The following ESR1 variants were observed in gnomAD, a reference collection of about 807,000 sequenced individuals.
The protein encoded by ESR1 is estrogen receptor.
A neutral mutation model predicts 52.7 loss-of-function variants in ESR1; 12 were observed. The ratio of observed to expected loss-of-function variants is 0.23; its 90% CI spans 0.15 to 0.37. The LOEUF (loss-of-function observed/expected upper bound fraction) is 0.37, where lower values mean the gene tolerates loss of function less well. Among genes scored for constraint, ESR1 ranks in the 10% least tolerant of loss-of-function variants. The probability of loss-of-function intolerance (pLI) is 1.00; values close to 1 mark genes in which losing one functional copy is unlikely to be tolerated. For synonymous variants in ESR1, 305 were observed against 316.8 expected (o/e 0.96, Z 0.39); for missense variants, 584 against 779.7 (o/e 0.75, Z 2.99).
intron 1 of ESR1, among the ~76,000 whole-genome samples, chr6:151,841,370 T>C (rs1307980501): frequency 6.6e-6 from 1 of 152,240 alleles, no homozygotes; most frequent in African/African-American, 2.4e-5. Context: ...GGCTTGTGCC[T>C]GTACCTGTCT....
rs9341020 is a variant in ESR1, at chr6:152,061,616, T to A, written c.1369+492T>A. 1.9e-3 allele frequency among the ~76,000 whole-genome samples: 284 copies of A among 152,322 alleles called. 2 individuals carry two copies. The highest frequency in any genetic ancestry group is 5.9e-3 in the African/African-American group (246 of 41,586). On this transcript the variant is annotated intron_variant, in intron 6 of 7. Coordinates refer to ENST00000206249, the MANE Select transcript of ESR1 (RefSeq NM_000125.4). This position sits in a 1 kb window ranked among gnomAD's most constrained non-coding sequence, Gnocchi z 4.3. Reference sequence around the variant, plus strand: ...AAAACCTGTTTCTAAAACAGAAGAATGTGGAATGCAATAAATTGTCCAGCT... The same window carrying A: ...AAAACCTGTTTCTAAAACAGAAGAAAGTGGAATGCAATAAATTGTCCAGCT...
intron 2 of ESR1, among the ~76,000 whole-genome samples, chr6:151,756,456 C>T (rs145947271): frequency 9.2e-5 from 14 of 152,194 alleles, no homozygotes; most frequent in East Asian, 3.9e-4. Flanking sequence ...TCACGTTGGT[C>T]GGGCTGGTCT....
At chr6:151,882,817 C>T (rs906553999) in intron 3 of ESR1, among the ~76,000 whole-genome samples, 29 of 151,598 alleles carry the variant, frequency 1.9e-4, no homozygotes, top group Admixed American at 8.5e-4. Context: ...ATATAAATTA[C>T]GCATTCTCAT....
At chr6:151,984,661 T>C (rs1221442156) in intron 4 of ESR1, among the ~76,000 whole-genome samples, 2 of 152,142 alleles carry the variant, frequency 1.3e-5, no homozygotes, top group African/African-American at 2.4e-5. Context: ...ACACTGTTTT[T>C]TCATCTGTGT....
At chr6:151,692,001 GA>G in intron 1 of ESR1, among the ~76,000 whole-genome samples, 1 of 152,248 alleles carries the variant, frequency 6.6e-6, no homozygotes, top group South Asian at 2.1e-4. Context: ...TAAAAGATAC[GA>G]CATGTAGGAA....
At chr6:151,657,640 T>C (rs570785407) in intron 1 of ESR1, among the ~76,000 whole-genome samples, 1 of 152,280 alleles carries the variant, frequency 6.6e-6, no homozygotes, top group Non-Finnish European at 1.5e-5. Context: ...TCCCTTAGTT[T>C]AAATATTATG....
intron 5 of ESR1, among the ~76,000 whole-genome samples, chr6:152,012,978 C>G (rs2042902640): frequency 6.6e-6 from 1 of 152,128 alleles, no homozygotes; most frequent in Admixed American, 6.5e-5. Context: ...ATTGTTTTGT[C>G]ATTTTGTGTT....
chr6:151,759,541 C>G (rs766323461), intron 2 of ESR1, among the ~76,000 whole-genome samples: 1 of 151,984 alleles, frequency 6.6e-6, no homozygotes, highest in South Asian at 2.1e-4. Flanking sequence ...AAAAGAATAA[C>G]AGGAAAAATA....
chr6:151,897,010 G>C (rs1019216494), intron 3 of ESR1, among the ~76,000 whole-genome samples: 1 of 152,066 alleles, frequency 6.6e-6, no homozygotes, highest in African/African-American at 2.4e-5. Context: ...TTTTGGAGTC[G>C]ATTTCCAGTT....
At chr6:151,744,994 G>T (rs1251091683) in intron 2 of ESR1, among the ~76,000 whole-genome samples, 1 of 152,096 alleles carries the variant, frequency 6.6e-6, no homozygotes, top group Non-Finnish European at 1.5e-5. Context: ...TCTTGTCCAG[G>T]CTGTTGAAGT....
At chr6:151,929,289 T>C (rs2033237550) in intron 3 of ESR1, among the ~76,000 whole-genome samples, 1 of 152,218 alleles carries the variant, frequency 6.6e-6, no homozygotes, top group African/African-American at 2.4e-5. Context: ...TGTTGTATCA[T>C]CTTGAACAAC....
At chr6:151,817,685 A>G (rs1383110384) in intron 1 of ESR1, among the ~76,000 whole-genome samples, 1 of 152,240 alleles carries the variant, frequency 6.6e-6, no homozygotes, top group African/African-American at 2.4e-5. Flanking sequence ...AGATATGAAG[A>G]TAACATTAGG....
intron 2 of ESR1, among the ~76,000 whole-genome samples, chr6:151,761,035 C>T (rs1322934246): frequency 1.3e-5 from 2 of 152,020 alleles, no homozygotes; most frequent in Non-Finnish European, 2.9e-5. Context: ...AACTATACAT[C>T]GCTCTCTACT....
At chr6:151,850,900 C>T (rs1303433336) in intron 2 of ESR1, among the ~76,000 whole-genome samples, 1 of 152,184 alleles carries the variant, frequency 6.6e-6, no homozygotes. Flanking sequence ...TTTATTGTTT[C>T]CATTTGCCTT....
At chr6:151,814,375 C>T (rs1779296864) in intron 1 of ESR1, among the ~76,000 whole-genome samples, 2 of 152,210 alleles carry the variant, frequency 1.3e-5, no homozygotes, top group South Asian at 4.1e-4. Flanking sequence ...TTTAAACTCC[C>T]TTTAAAGAGT....
chr6:151,836,003 GT>G (rs1216681137), intron 1 of ESR1, among the ~76,000 whole-genome samples: 7 of 152,328 alleles, frequency 4.6e-5, no homozygotes, highest in Admixed American at 3.3e-4. Flanking sequence ...CTTTATGACA[GT>G]TCTTTGGGCA....
At chr6:151,933,552 T>G (rs2033973026) in intron 3 of ESR1, among the ~76,000 whole-genome samples, 3 of 151,732 alleles carry the variant, frequency 2.0e-5, no homozygotes. Context: ...AGGGAATGCT[T>G]CCAGTTTTTG....
chr6:151,831,688 G>A (rs1583533154), intron 1 of ESR1, among the ~76,000 whole-genome samples: 1 of 152,068 alleles, frequency 6.6e-6, no homozygotes, highest in Non-Finnish European at 1.5e-5. Context: ...TGGCTACCTT[G>A]GTTACTATTT....
chr6:151,926,494 C>T lies in ESR1; in HGVS notation c.761-17679C>T, dbSNP rs1562556335. 2.0e-5 allele frequency among the ~76,000 whole-genome samples: 3 copies of T among 152,094 alleles called. No individual in the cohort carries two copies. The East Asian group carries it at 5.8e-4, about 29-fold the overall frequency. On this transcript the variant is annotated intron_variant, in intron 3 of 7. Transcript: ENST00000206249. The stretch of plus-strand genomic sequence containing the variant: ...TGTAATAATATTGAACTTTCAATCT[C>T]TATTATCTCTTCATCATTTTAAGAT...
Sources: gnomAD v4.1 joint callset for allele counts (sites outside exome capture counted in the v4.1 genomes callset) on GRCh38, gnomAD v4.1.1 for gene constraint, Gnocchi (gnomAD v3.1) non-coding constraint, MANE v1.5 for transcripts, NCBI Gene and HGNC (gene_info 2026-07-23, HGNC 2026-07-21) for gene names.